The following BACH1 variants were observed in gnomAD, a reference collection of about 807,000 sequenced individuals.
BACH1 encodes transcription regulator protein BACH1.
BACH1 carries 35 observed loss-of-function variants against 52.9 expected under a neutral mutation model. The observed-to-expected ratio is 0.66, with a 90% CI of 0.51 to 0.88. BACH1 has a LOEUF of 0.88. Ranked by LOEUF, BACH1 falls within the 40% of genes least tolerant of loss-of-function variation. The probability of loss-of-function intolerance (pLI) is 0.00; values close to 1 mark genes in which losing one functional copy is unlikely to be tolerated. For synonymous variants in BACH1, 321 were observed against 319.6 expected, an observed-to-expected ratio of 1.00 and a Z score of -0.05; for missense variants, 808 against 872.6, an observed-to-expected ratio of 0.93 and a Z score of 0.93.
chr21:29,302,724 C>T (rs2088617030), intron 1 of BACH1, among the ~76,000 whole-genome samples: 1 of 152,172 alleles, frequency 6.6e-6, no homozygotes, highest in Admixed American at 6.5e-5. Context: ...CAGGGAAGTA[C>T]TTAGTTACAC....
At chr21:29,327,752 C>T (rs896491334) in intron 3 of BACH1, among the ~76,000 whole-genome samples, 13 of 152,178 alleles carry the variant, frequency 8.5e-5, no homozygotes, top group African/African-American at 2.6e-4. Flanking sequence ...ATGTGGGAGG[C>T]GGAGGTTGCA....
chr21:29,321,370 A>G lies in BACH1; in HGVS notation c.90A>G (p.Lys30=), dbSNP rs1787160346. 6.2e-7 allele frequency: 1 copy of G among 1,614,122 alleles called. No homozygotes were observed. The highest frequency in any genetic ancestry group is 1.1e-5 in the South Asian group (1 of 91,094). ...TCAGCCTTAATGACCAGCGGAAGAA[A>G]GATGTGCTGTGCGATGTCACCATCT... ...VLLSLNDQRK[K]DVLCDVTIFV... is the part of the protein sequence containing the mutation. The change falls in exon 2 of 5, where the codon AAA becomes AAG. Residue 30 remains lysine (K), a synonymous_variant. Transcript: ENST00000286800.
At chr21:29,346,293 C>T (rs2089167574), downstream of BACH1, 1 of 151,942 alleles carries the variant, frequency 6.6e-6, no homozygotes, top group Admixed American at 6.5e-5. Context: ...AAAAAAAATT[C>T]CAGCATTCAG....
chr21:29,302,645 A>G (rs2088616247), intron 1 of BACH1, among the ~76,000 whole-genome samples: 1 of 152,222 alleles, frequency 6.6e-6, no homozygotes, highest in South Asian at 2.1e-4. Flanking sequence ...ATACGGGGTA[A>G]GTGGTTAGAA....
At position 29,327,131 on chromosome 21, in the gene BACH1, C is replaced by T. The variant is rs199690512; in HGVS notation, c.1307C>T (p.Pro436Leu). 33 of 1,614,008 alleles carry T rather than the reference C, an allele frequency of 2.0e-5. No individual in the cohort carries two copies. The highest frequency in any genetic ancestry group is 3.3e-5 in the Admixed American group (2 of 60,004). ...ATCTCACAGAAACGGTCTGAGTGTC[C>T]GTGGTTAGGTATCAGGATTAGTGAG... ...EQISQKRSEC[P>L]WLGIRISESP... Residue 436 changes from proline to leucine, a missense_variant, in exon 3 of 5, where the codon CCG (proline) becomes CTG (leucine). Coordinates refer to ENST00000286800, the MANE Select transcript of BACH1 (RefSeq NM_001186.4).
chr21:29,303,868 G>A (rs2088627504), intron 1 of BACH1, among the ~76,000 whole-genome samples: 1 of 152,174 alleles, frequency 6.6e-6, no homozygotes, highest in South Asian at 2.1e-4. Flanking sequence ...GCAAACGTGA[G>A]GAAGAAGAAA....
intron 3 of BACH1, 86 bp downstream of exon 3, chr21:29,327,479 G>C: frequency 1.3e-6 from 2 of 1,499,814 alleles, no homozygotes; most frequent in Admixed American, 4.2e-5. Flanking sequence ...CATCATTAGG[G>C]ATATAATCAG....
At chr21:29,304,812 A>G (rs1377432915) in intron 1 of BACH1, among the ~76,000 whole-genome samples, 5 of 152,196 alleles carry the variant, frequency 3.3e-5, no homozygotes, top group Non-Finnish European at 7.3e-5. Flanking sequence ...TGATATCTTC[A>G]CATGCTTATT....
At chr21:29,356,476 C>A (rs1394785119) in intron 2 of BACH1, among the ~76,000 whole-genome samples, 1 of 152,244 alleles carries the variant, frequency 6.6e-6, no homozygotes, top group Non-Finnish European at 1.5e-5. Flanking sequence ...ATTTTCTTAA[C>A]TGCTTCTACA....
chr21:29,303,020 T>C (rs2088620192), intron 1 of BACH1, among the ~76,000 whole-genome samples: 1 of 152,248 alleles, frequency 6.6e-6, no homozygotes, highest in African/African-American at 2.4e-5. Context: ...GTAGTTGACA[T>C]TGTGGCCTGG....
At chr21:29,329,944 T>C (rs1569017666) in intron 4 of BACH1, among the ~76,000 whole-genome samples, 1 of 152,226 alleles carries the variant, frequency 6.6e-6, no homozygotes, top group Non-Finnish European at 1.5e-5. Flanking sequence ...CAAGAAATTA[T>C]AAAGCACTTT....
intron 4 of BACH1, among the ~76,000 whole-genome samples, chr21:29,341,693 G>A (rs1056289875): frequency 3.9e-5 from 6 of 152,098 alleles, no homozygotes; most frequent in African/African-American, 1.2e-4. Context: ...CTCACCCACC[G>A]GCTGTCTCTA....
intron 1 of BACH1, among the ~76,000 whole-genome samples, chr21:29,303,257 G>A (rs181016910): frequency 4.6e-5 from 7 of 152,138 alleles, no homozygotes; most frequent in Non-Finnish European, 7.4e-5. Flanking sequence ...CATATTTATC[G>A]TATAGCTTTT....
chr21:29,303,254 A>G (rs2088622274), intron 1 of BACH1, among the ~76,000 whole-genome samples: 1 of 152,248 alleles, frequency 6.6e-6, no homozygotes, highest in African/African-American at 2.4e-5. Context: ...GGACATATTT[A>G]TCGTATAGCT....
At chr21:29,306,807 A>G (rs1390904611) in intron 1 of BACH1, among the ~76,000 whole-genome samples, 2 of 152,228 alleles carry the variant, frequency 1.3e-5, no homozygotes, top group African/African-American at 2.4e-5. Context: ...ATTTCCTTCT[A>G]TGATCAAGTA....
intron 1 of BACH1, among the ~76,000 whole-genome samples, chr21:29,315,092 T>G (rs953875384): frequency 6.9e-6 from 1 of 143,994 alleles, no homozygotes; most frequent in African/African-American, 3.0e-5. Context: ...AGAATTTTTC[T>G]TATGGGAATC....
chr21:29,301,482 GTTTTA>G (rs1036681655), intron 1 of BACH1, among the ~76,000 whole-genome samples: 7 of 152,054 alleles, frequency 4.6e-5, no homozygotes, highest in African/African-American at 1.7e-4. Context: ...TTCCATTTAA[GTTTTA>G]TTTTATAGGT....
Position 29,326,438 on chromosome 21 carries a change from AG to A in BACH1, c.615del (p.Thr206HisfsTer7). 6.2e-7 allele frequency: 1 copy of A among 1,614,252 alleles called. No individual in the cohort carries two copies. The highest frequency in any genetic ancestry group is 2.2e-5 in the East Asian group (1 of 44,888). The part of the protein sequence containing the change: ...ASPPLQDSAS[Q>X]TYESMCLEKD... The stretch of plus-strand genomic sequence containing the variant: ...CCTCCTCTACAAGACAGTGCCAGTC[AG>A]ACATATGAGTCCATGTGCTTAGAGA... On this transcript the variant is annotated frameshift_variant, in exon 3 of 5. Coordinates refer to ENST00000286800, the MANE Select transcript of BACH1 (RefSeq NM_001186.4). LOFTEE classifies it high-confidence loss of function.
intron 2 of BACH1, among the ~76,000 whole-genome samples, chr21:29,357,083 C>G (rs1417679618): frequency 2.0e-5 from 3 of 152,192 alleles, no homozygotes; most frequent in African/African-American, 7.2e-5. Flanking sequence ...CCCTTTCTTT[C>G]CATATTGCAG....
Sources: gnomAD v4.1 joint callset for allele counts (sites outside exome capture counted in the v4.1 genomes callset) on GRCh38, gnomAD v4.1.1 for gene constraint, MANE v1.5 for transcripts, NCBI Gene and HGNC (gene_info 2026-07-23, HGNC 2026-07-21) for gene names.